The following ITSN1 variants were observed in gnomAD, a reference collection of about 807,000 sequenced individuals.
ITSN1 encodes the protein intersectin-1.
Under a neutral mutation model 239.8 loss-of-function variants are expected in ITSN1, and 58 were observed. The ratio of observed to expected loss-of-function variants is 0.24; its 90% CI spans 0.20 to 0.30. The LOEUF is 0.30. Among genes scored for constraint, ITSN1 ranks in the 10% least tolerant of loss-of-function variants. ITSN1 has a pLI of 1.00. For synonymous variants in ITSN1, 780 were observed against 770.8 expected (o/e 1.01, Z -0.20); for missense variants, 1,558 against 2,103.3 (o/e 0.74, Z 5.07).
At chr21:33,779,124 T>C (rs541067760) in intron 14 of ITSN1, among the ~76,000 whole-genome samples, 2 of 151,822 alleles carry the variant, frequency 1.3e-5, no homozygotes, top group South Asian at 2.1e-4. Flanking sequence ...TTTTTTTTTT[T>C]AGTAAGCCCT....
intron 1 of ITSN1, among the ~76,000 whole-genome samples, chr21:33,680,279 G>A (rs930297580): frequency 1.3e-5 from 2 of 151,306 alleles, no homozygotes; most frequent in African/African-American, 2.4e-5. Context: ...ACTCAGGACA[G>A]TGCTGAGGAA....
chr21:33,838,306 CGTGTAGAGGTCCTTCTCCTTTCACATG>C, intron 29 of ITSN1: 1 of 985,326 alleles, frequency 1.0e-6, no homozygotes, highest in Non-Finnish European at 1.2e-6. Flanking sequence ...TGCTGGTGGT[CGTGTAGAGGTCCTTCTCCTTTCACATG>C]GTGCAGAGAG....
chr21:33,883,436 C>A, intron 35 of ITSN1, 114 bp from the exon 36 acceptor site: 1 of 1,415,108 alleles, frequency 7.1e-7, no homozygotes, highest in Non-Finnish European at 9.7e-7. Context: ...CACGCGCTGA[C>A]TTGCAGTCTC....
chr21:33,856,896 G>A lies in ITSN1; in HGVS notation c.3783+39G>A, dbSNP rs549774870. ...TGGGGCAGGGGGCACGGCAGGGGGC[G>A]ATGACGGAGGGAGAGGGGAGGGTTC... On this transcript the variant is annotated intron_variant, in intron 30 of 39. Transcript: ENST00000381318. The A allele has an allele frequency of 2.3e-4, 371 of 1,589,330 alleles. 4 individuals are homozygous for A. In the South Asian group the frequency reaches 3.6e-3, roughly 15 times the overall value.
chr21:33,686,803 T>C (rs2091263622), intron 1 of ITSN1, among the ~76,000 whole-genome samples: 1 of 152,206 alleles, frequency 6.6e-6, no homozygotes, highest in African/African-American at 2.4e-5. Flanking sequence ...TAGAGAATTA[T>C]AGAATGAATG....
At position 33,830,201 on chromosome 21, in the gene ITSN1, A is replaced by G. The variant is rs137865169; in HGVS notation, c.3351+456A>G. ...GTGTGTGTGTATTGTTAATCATATC[A>G]TCTTGTTTACACATTTTACCATTCC... On this transcript the variant is annotated intron_variant, in intron 27 of 39. Coordinates refer to ENST00000381318, the MANE Select transcript of ITSN1 (RefSeq NM_003024.3). Among the ~76,000 whole-genome samples, 270 of 152,260 alleles carry G rather than the reference A, an allele frequency of 1.8e-3. 1 individual carries two copies. Among genetic ancestry groups the G allele is most frequent in the African/African-American group, 5.6e-3 (231 of 41,546 alleles).
Position 33,884,345 on chromosome 21 carries a change from G to A in ITSN1, c.4676+674G>A, listed in dbSNP as rs535178183. ...GTAATTTCGGGGTTAATAGGACCAC[G>A]CAAACCCAAACCTCTCCTCACCTTG... On this transcript the variant is annotated intron_variant, in intron 36 of 39. Transcript: ENST00000381318. Among the ~76,000 whole-genome samples the A allele has an allele frequency of 7.9e-5, 12 of 152,232 alleles. No individual in the cohort carries two copies. The South Asian group carries it at 2.3e-3, about 29-fold the overall frequency.
intron 24 of ITSN1, among the ~76,000 whole-genome samples, chr21:33,822,164 C>A (rs548795282): frequency 1.2e-4 from 19 of 152,348 alleles, no homozygotes; most frequent in East Asian, 9.6e-4. Context: ...TCAACACTGG[C>A]GCTGAAGGAG....
chr21:33,767,619 T>C, intron 10 of ITSN1, 94 bp from the exon 11 acceptor site: 2 of 573,824 alleles, frequency 3.5e-6, no homozygotes, highest in South Asian at 6.1e-5. Context: ...CTCCATGGCA[T>C]GGTAAAATCT....
intron 1 of ITSN1, among the ~76,000 whole-genome samples, chr21:33,692,786 T>C (rs2091606630): frequency 6.6e-6 from 1 of 152,130 alleles, no homozygotes; most frequent in Admixed American, 6.5e-5. Flanking sequence ...CTTTTTTTTT[T>C]TCGAGACGGA....
At chr21:33,806,966 G>A (rs1602351400) in intron 20 of ITSN1, among the ~76,000 whole-genome samples, 1 of 152,232 alleles carries the variant, frequency 6.6e-6, no homozygotes, top group East Asian at 1.9e-4. Flanking sequence ...ATTTTCATAT[G>A]TTGACCTTTG....
intron 16 of ITSN1, among the ~76,000 whole-genome samples, chr21:33,788,445 G>C (rs2070837712): frequency 6.6e-6 from 1 of 152,178 alleles, no homozygotes; most frequent in Non-Finnish European, 1.5e-5. Flanking sequence ...TAAATAACCA[G>C]TCAGGCCAGG....
At chr21:33,658,035 T>C (rs552658407) in intron 1 of ITSN1, among the ~76,000 whole-genome samples, 7 of 152,312 alleles carry the variant, frequency 4.6e-5, no homozygotes, top group African/African-American at 1.7e-4. Context: ...TAACTACTAA[T>C]GACCTATTGT....
intron 15 of ITSN1, 68 bp downstream of exon 15, chr21:33,781,616 T>A: frequency 1.1e-6 from 1 of 907,154 alleles, no homozygotes; most frequent in African/African-American, 1.7e-5. Context: ...AGTCTCACTC[T>A]GTCCCCCAGG....
At chr21:33,834,445 A>G (rs917900329) in intron 28 of ITSN1, 21 bp downstream of exon 28, 2 of 1,506,120 alleles carry the variant, frequency 1.3e-6, no homozygotes, top group Admixed American at 1.8e-5. Flanking sequence ...TCGCATCTCT[A>G]ACTGGAAGAT....
chr21:33,859,978 G>C (rs1980162067), intron 31 of ITSN1, among the ~76,000 whole-genome samples: 1 of 152,222 alleles, frequency 6.6e-6, no homozygotes, highest in South Asian at 2.1e-4. Flanking sequence ...TCTTCTGGCA[G>C]GTCACTTTGG....
rs112362465 is a variant in ITSN1 at position 33,761,407 on chromosome 21, C to CT, written c.725-503dup. Among the ~76,000 whole-genome samples, 304 of 145,704 alleles carry CT rather than the reference C, an allele frequency of 2.1e-3. 1 individual carries two copies. The highest frequency in any genetic ancestry group is 3.1e-3 in the African/African-American group (125 of 40,030). On this transcript the variant is annotated intron_variant, in intron 8 of 39. Coordinates refer to ENST00000381318, the MANE Select transcript of ITSN1 (RefSeq NM_003024.3). ...TCCTGGCTATTAGCGCTTCCTGCAACTTTTTTTTTTTTTCTTTTTAAGTCT... is the reference window on the plus strand; with the variant it reads ...TCCTGGCTATTAGCGCTTCCTGCAACTTTTTTTTTTTTTTCTTTTTAAGTCT...
At chr21:33,794,637 T>C (rs2071395174) in intron 17 of ITSN1, among the ~76,000 whole-genome samples, 169 bp downstream of exon 17, 1 of 152,232 alleles carries the variant, frequency 6.6e-6, no homozygotes, top group South Asian at 2.1e-4. Flanking sequence ...TCTTTGCATG[T>C]ATCAGTACCC....
At chr21:33,715,834 C>T (rs901793102) in intron 1 of ITSN1, among the ~76,000 whole-genome samples, 20 of 152,112 alleles carry the variant, frequency 1.3e-4, no homozygotes, top group African/African-American at 4.8e-4. Context: ...AGGAGAATTG[C>T]TTGAACCCAG....
Sources: gnomAD v4.1 joint callset for allele counts (sites outside exome capture counted in the v4.1 genomes callset) on GRCh38, gnomAD v4.1.1 for gene constraint, MANE v1.5 for transcripts, NCBI Gene and HGNC (gene_info 2026-07-23, HGNC 2026-07-21) for gene names.